Variants in ZDHHC6 observed in about 807,000 individuals in gnomAD.
ZDHHC6 encodes the protein palmitoyltransferase ZDHHC6.
ZDHHC6 carries 32 observed loss-of-function variants against 57.8 expected under a neutral mutation model. The ratio of observed to expected loss-of-function variants is 0.55; its 90% CI spans 0.42 to 0.74. ZDHHC6 has a LOEUF of 0.74. Ranked by LOEUF, ZDHHC6 falls within the 30% of genes least tolerant of loss-of-function variation. The pLI is 0.00. For missense variants in ZDHHC6, 433 were observed against 500.7 expected, an observed-to-expected ratio of 0.86 and a Z score of 1.29; for synonymous variants, 128 against 158.0, an observed-to-expected ratio of 0.81 and a Z score of 1.42.
intron 2 of ZDHHC6, 111 bp downstream of exon 2, chr10:112,445,059 C>A (rs942585567): frequency 7.2e-6 from 9 of 1,253,086 alleles, no homozygotes; most frequent in Non-Finnish European, 9.8e-6. Context: ...TATACTTAGT[C>A]TCTGTGAGGA....
At chr10:112,444,983 G>A (rs1445780538) in intron 2 of ZDHHC6, among the ~76,000 whole-genome samples, 187 bp downstream of exon 2, 1 of 151,860 alleles carries the variant, frequency 6.6e-6, no homozygotes, top group Non-Finnish European at 1.5e-5. Flanking sequence ...ATGCTATTTT[G>A]GATCAATGTG....
chr10:112,440,540 A>G lies in ZDHHC6; in HGVS notation c.675T>C (p.Phe225=), dbSNP rs750402107. 6.2e-7 allele frequency: 1 copy of G among 1,612,874 alleles called. No homozygotes were observed. Among genetic ancestry groups the G allele is most frequent in the Non-Finnish European group, 8.5e-7 (1 of 1,179,234 alleles). The part of the protein sequence containing the change: ...GTTIAVGMLF[F]IQMKIILRNK... ...AGGTAATTGAGATGCTTACCTGGAT[A>G]AAAAACAACATCCCAACAGCTATGG... Residue 225 remains phenylalanine, a synonymous_variant, in exon 5 of 11, where the codon TTT becomes TTC. Coordinates refer to ENST00000369405, the MANE Select transcript of ZDHHC6 (RefSeq NM_022494.3).
At chr10:112,443,669 C>A (rs113235536) in intron 2 of ZDHHC6, 63 bp from the exon 3 acceptor site, 2 of 1,343,048 alleles carry the variant, frequency 1.5e-6, no homozygotes, top group Admixed American at 3.7e-5. Context: ...ATGATTCCTA[C>A]GGTATGATTT....
At chr10:112,425,718 C>A (rs887909567), downstream of ZDHHC6, 3 of 377,180 alleles carry the variant, frequency 8.0e-6, no homozygotes, top group Non-Finnish European at 9.4e-6. Context: ...AATGGCTATA[C>A]TAAAAGGTAA....
chr10:112,446,223 A>AATTGAC (rs1408640727), intron 1 of ZDHHC6, among the ~76,000 whole-genome samples: 1 of 152,206 alleles, frequency 6.6e-6, no homozygotes, highest in African/African-American at 2.4e-5. Context: ...ATTTGGCCCA[A>AATTGAC]AAGTAAAGGA....
At chr10:112,447,101 C>T (rs1245889186), upstream of ZDHHC6, 26 of 471,288 alleles carry the variant, frequency 5.5e-5, no homozygotes, top group Admixed American at 8.3e-4. Flanking sequence ...ATACGCTTTT[C>T]TGGGGGGAGG....
chr10:112,447,487 G>A (rs150308732), upstream of ZDHHC6: 2 of 1,611,444 alleles, frequency 1.2e-6, no homozygotes, highest in East Asian at 2.2e-5. Context: ...TTGCCCGGCT[G>A]GACGAGGGTG....
intron 5 of ZDHHC6, 80 bp downstream of exon 5, chr10:112,440,454 A>C (rs771189962): frequency 1.9e-5 from 27 of 1,437,792 alleles, no homozygotes; most frequent in Non-Finnish European, 2.3e-5. Flanking sequence ...CTGGACACTT[A>C]AATACAGGCT....
In ZDHHC6 at chr10:112,442,070, G is replaced by C. The variant is rs1589750409; in HGVS notation, c.519+122C>G. ...GGAACCCATATACCAGTAAAACAAAGTTCTATTTCCCCAACTAAATCACAG... is the reference window on the plus strand; with the variant it reads ...GGAACCCATATACCAGTAAAACAAACTTCTATTTCCCCAACTAAATCACAG... On this transcript the variant is annotated intron_variant, in intron 4 of 10. Coordinates refer to ENST00000369405, the MANE Select transcript of ZDHHC6 (RefSeq NM_022494.3). 2.6e-5 allele frequency: 31 copies of C among 1,206,402 alleles called. No homozygotes were observed. In the East Asian group the frequency reaches 7.9e-4, roughly 31 times the overall value. The allele number at this position is 1,206,402 out of a possible 1,614,324, so 74.7% of individuals were successfully genotyped here.
exon 12 of ZDHHC6, chr10:112,424,652 A>G (rs1844601712): frequency 6.6e-6 from 1 of 152,246 alleles, no homozygotes; most frequent in Non-Finnish European, 1.5e-5. Context: ...TGATAGTTCC[A>G]GTGTTGGTTT....
Position 112,430,594 on chromosome 10 carries a change from G to C in ZDHHC6, c.*210C>G, listed in dbSNP as rs2290965. ...GTTTTTCCTTTGAGGGGGAGGAAGAGGTGGTAAAGAGGGGCAGGAATTCAA... is the reference window on the plus strand; with the variant it reads ...GTTTTTCCTTTGAGGGGGAGGAAGACGTGGTAAAGAGGGGCAGGAATTCAA... On this transcript the variant is annotated 3_prime_UTR_variant, in exon 11 of 11. Coordinates refer to ENST00000369405, the MANE Select transcript of ZDHHC6 (RefSeq NM_022494.3). 0.1 allele frequency: 42,889 copies of C among 420,790 alleles called. 2,575 individuals carry two copies. The highest frequency in any genetic ancestry group is 0.17 in the East Asian group (4,173 of 24,420). 26.1% of individuals were successfully genotyped at this position (420,790 alleles called of 1,614,324 possible).
At chr10:112,442,475 T>TG in intron 3 of ZDHHC6, 124 bp from the exon 4 acceptor site, 1 of 883,862 alleles carries the variant, frequency 1.1e-6, no homozygotes, top group South Asian at 2.2e-5. Context: ...AGAATTATAC[T>TG]TCATGGAACA....
chr10:112,437,002 A>G (rs1845601044), intron 6 of ZDHHC6, among the ~76,000 whole-genome samples: 1 of 152,232 alleles, frequency 6.6e-6, no homozygotes, highest in African/African-American at 2.4e-5. Flanking sequence ...TGAGTAATAT[A>G]GCAAACTAAG....
At chr10:112,428,282 C>A, downstream of ZDHHC6, 1 of 390,960 alleles carries the variant, frequency 2.6e-6, no homozygotes, top group Non-Finnish European at 4.5e-6. Flanking sequence ...TCTCCCCCAC[C>A]CTTGGATTAG....
At chr10:112,442,132 T>A in intron 4 of ZDHHC6, 60 bp downstream of exon 4, 2 of 1,480,532 alleles carry the variant, frequency 1.4e-6, no homozygotes, top group South Asian at 2.9e-5. Context: ...TAAATGTTGA[T>A]AACTACCATT....
chr10:112,433,327 A>C (rs756396006), intron 7 of ZDHHC6, 46 bp from the exon 8 acceptor site: 1 of 1,472,438 alleles, frequency 6.8e-7, no homozygotes, highest in African/African-American at 1.4e-5. Flanking sequence ...TCTTGTCTCA[A>C]TGTTGAAAAA....
At chr10:112,434,927 G>A (rs1008954439) in intron 6 of ZDHHC6, among the ~76,000 whole-genome samples, 1 of 152,202 alleles carries the variant, frequency 6.6e-6, no homozygotes, top group African/African-American at 2.4e-5. Context: ...TTGTATCAGA[G>A]GGTAACAGTT....
downstream of ZDHHC6, among the ~76,000 whole-genome samples, chr10:112,425,823 C>T (rs1844660097): frequency 1.3e-5 from 2 of 151,930 alleles, no homozygotes; most frequent in Non-Finnish European, 1.5e-5. Context: ...TATAAAACAA[C>T]AAACTGTTGC....
chr10:112,425,595 T>TAA (rs71489969), downstream of ZDHHC6: 65,317 of 531,536 alleles, frequency 0.12, 2,523 homozygotes, highest in Admixed American at 0.15. Flanking sequence ...CTTATAAAAC[T>TAA]AAAAAAAAAA....
Sources: allele counts gnomAD v4.1 joint callset (sites outside exome capture counted in the v4.1 genomes callset), GRCh38; gene constraint gnomAD v4.1.1; transcripts MANE v1.5; gene names NCBI Gene and HGNC (gene_info 2026-07-23, HGNC 2026-07-21).